The following PAK4 variants were observed in gnomAD, a reference collection of about 807,000 sequenced individuals.
The protein encoded by PAK4 is p21 (RAC1) activated kinase 4.
In PAK4, 49 loss-of-function variants were observed where a neutral mutation model predicts 53.5. That is an observed-to-expected ratio of 0.92 (90% CI 0.73 to 1.16). The LOEUF (loss-of-function observed/expected upper bound fraction) is 1.16, where lower values mean the gene tolerates loss of function less well. Among genes scored for constraint, PAK4 ranks in the 50% most tolerant of loss-of-function variants. The pLI is 0.00. For synonymous variants in PAK4, 376 were observed against 375.6 expected, an observed-to-expected ratio of 1.00 and a Z score of -0.01; for missense variants, 824 against 850.7, an observed-to-expected ratio of 0.97 and a Z score of 0.39.
At chr19:39,155,023 G>A (rs1356230366) in intron 1 of PAK4, among the ~76,000 whole-genome samples, 3 of 152,204 alleles carry the variant, frequency 2.0e-5, no homozygotes, top group East Asian at 1.9e-4. Flanking sequence ...ATCTGCCCTT[G>A]AGGAGTTGGC....
At chr19:39,162,824 GC>G (rs1226813821) in intron 1 of PAK4, among the ~76,000 whole-genome samples, 1 of 152,168 alleles carries the variant, frequency 6.6e-6, no homozygotes, top group Non-Finnish European at 1.5e-5. Context: ...GTGGGTCGAT[GC>G]GTGGGTGGGT....
At chr19:39,171,156 G>T (rs914917137) in intron 2 of PAK4, among the ~76,000 whole-genome samples, 7 of 151,726 alleles carry the variant, frequency 4.6e-5, no homozygotes, top group African/African-American at 1.7e-4. Flanking sequence ...ACTTGTGTTT[G>T]CTGCCCTTGA....
At chr19:39,130,554 C>A (rs1056789716) in intron 1 of PAK4, among the ~76,000 whole-genome samples, 1 of 152,034 alleles carries the variant, frequency 6.6e-6, no homozygotes, top group African/African-American at 2.4e-5. Flanking sequence ...GGAATGACCT[C>A]GGAATGGTCG....
chr19:39,169,749 G>A (rs373324891), exon 2 of PAK4: 3 of 1,599,346 alleles, frequency 1.9e-6, no homozygotes, highest in East Asian at 2.2e-5. Context: ...CCAGCCCGGG[G>A]CCCCCAAGGT....
chr19:39,178,747 A>G lies in PAK4; in HGVS notation c.*168A>G. The G allele has an allele frequency of 1.8e-6, 1 of 564,380 alleles. No homozygotes were observed. Among genetic ancestry groups the G allele is most frequent in the Non-Finnish European group, 3.0e-6 (1 of 329,576 alleles). 35.0% of individuals were successfully genotyped at this position (564,380 alleles called of 1,614,324 possible). The stretch of plus-strand genomic sequence containing the variant: ...ACCCTACTACTGAACTCCAGTTTTG[A>G]TCTCGTGACTTTTAGAAAAACACAG... On this transcript the variant is annotated 3_prime_UTR_variant, in exon 9 of 9. Transcript: ENST00000358301. This position sits in a 1 kb window ranked among gnomAD's most constrained non-coding sequence, Gnocchi z 4.4.
intron 2 of PAK4, among the ~76,000 whole-genome samples, chr19:39,171,090 C>T (rs1328366868): frequency 2.6e-5 from 4 of 152,246 alleles, no homozygotes; most frequent in Non-Finnish European, 1.5e-5. Context: ...GGAGGCAGGG[C>T]ACTTGAATTC....
intron 1 of PAK4, among the ~76,000 whole-genome samples, chr19:39,127,674 C>G (rs2073614361): frequency 6.6e-6 from 1 of 152,128 alleles, no homozygotes; most frequent in East Asian, 1.9e-4. Context: ...ACTCAGTTCC[C>G]TGGTGGGAGC....
Position 39,173,989 on chromosome 19 carries a change from G to A in PAK4, c.1077G>A (p.Arg359=), listed in dbSNP as rs747382740. Reference sequence around the variant, plus strand: ...AGATGGACCTGCGCAAGCAGCAGAGGCGCGAGCTGCTCTTCAACGAGGTGC... The same window carrying A: ...AGATGGACCTGCGCAAGCAGCAGAGACGCGAGCTGCTCTTCAACGAGGTGC... The change falls in exon 4 of 9, where the codon AGG becomes AGA. Residue 359 remains arginine, a synonymous_variant. Transcript: ENST00000358301. The surrounding 1 kb of genome is among the most constrained non-coding windows in gnomAD (Gnocchi z 6.9). 1.2e-6 allele frequency: 2 copies of A among 1,601,364 alleles called. No homozygotes were observed. The highest frequency in any genetic ancestry group is 2.2e-5 in the East Asian group (1 of 44,466).
At chr19:39,153,757 T>C (rs762667780) in intron 1 of PAK4, among the ~76,000 whole-genome samples, 1 of 152,074 alleles carries the variant, frequency 6.6e-6, no homozygotes, top group African/African-American at 2.4e-5. Flanking sequence ...TTTAATTCTC[T>C]AAAAATGTAG....
intron 1 of PAK4, among the ~76,000 whole-genome samples, chr19:39,151,327 C>T (rs2074090558): frequency 6.6e-6 from 1 of 152,192 alleles, no homozygotes; most frequent in South Asian, 2.1e-4. Flanking sequence ...GGGGCCACAC[C>T]TCACATATCA....
intron 1 of PAK4, chr19:39,135,005 T>C (rs945628379): frequency 5.3e-5 from 8 of 152,250 alleles, no homozygotes; most frequent in Non-Finnish European, 1.0e-4. Flanking sequence ...TCAGGGAATA[T>C]ACCCAGGAGT....
rs1276271207 is a variant in PAK4 at position 39,175,249 on chromosome 19, C to T, written c.1233-63C>T. 66 of 1,517,166 alleles carry T rather than the reference C, an allele frequency of 4.4e-5. No homozygotes were observed. Among genetic ancestry groups the T allele is most frequent in the Non-Finnish European group, 5.8e-5 (65 of 1,120,158 alleles). The allele number at this position is 1,517,166 out of a possible 1,614,324, so 94.0% of individuals were successfully genotyped here. On this transcript the variant is annotated intron_variant, in intron 5 of 8. Transcript: ENST00000358301. The surrounding 1 kb of genome is among the most constrained non-coding windows in gnomAD (Gnocchi z 4.7). ...TTCCTCCCACTGCAAGGCAGGGCTG[C>T]GTCCCCCTCGGCACCCCGGGGTGCT...
intron 2 of PAK4, among the ~76,000 whole-genome samples, chr19:39,170,005 A>G (rs1387974770): frequency 6.6e-6 from 1 of 151,178 alleles, no homozygotes; most frequent in South Asian, 2.1e-4. Context: ...CAGCCCCCAC[A>G]CCAGCCTCCA....
At chr19:39,150,687 CAA>C (rs1265495606) in intron 1 of PAK4, among the ~76,000 whole-genome samples, 5 of 151,990 alleles carry the variant, frequency 3.3e-5, no homozygotes, top group African/African-American at 1.2e-4. Flanking sequence ...CTCAGGAGTT[CAA>C]GACCAGCCTG....
At chr19:39,142,434 GT>G (rs1330204426) in intron 1 of PAK4, among the ~76,000 whole-genome samples, 1 of 152,016 alleles carries the variant, frequency 6.6e-6, no homozygotes, top group Non-Finnish European at 1.5e-5. Context: ...TAAAAATTAA[GT>G]TTTTTTTAAA....
At chr19:39,154,318 C>T (rs1433438614) in intron 1 of PAK4, among the ~76,000 whole-genome samples, 2 of 152,120 alleles carry the variant, frequency 1.3e-5, no homozygotes, top group South Asian at 2.1e-4. Context: ...GGAATGTTTT[C>T]GAGAAGAGCA....
intron 1 of PAK4, among the ~76,000 whole-genome samples, chr19:39,158,088 G>A (rs972484581): frequency 6.7e-6 from 1 of 150,054 alleles, no homozygotes; most frequent in East Asian, 2.0e-4. Flanking sequence ...GTGTGTGTGT[G>A]CATGTGTGTG....
At chr19:39,174,891 C>T in intron 4 of PAK4, 40 bp from the exon 6 acceptor site, 1 of 1,611,686 alleles carries the variant, frequency 6.2e-7, no homozygotes, top group Non-Finnish European at 8.5e-7. Flanking sequence ...CACTGGCAGC[C>T]CTCCCGCCTC....
intron 2 of PAK4, among the ~76,000 whole-genome samples, chr19:39,171,760 G>A (rs908556462): frequency 2.6e-5 from 4 of 152,234 alleles, no homozygotes; most frequent in African/African-American, 9.6e-5. Context: ...TCCGGCTGGA[G>A]GACATCTGGC....
Sources: allele counts gnomAD v4.1 joint callset (sites outside exome capture counted in the v4.1 genomes callset), GRCh38; gene constraint gnomAD v4.1.1; non-coding constraint Gnocchi (gnomAD v3.1); transcripts MANE v1.5; gene names NCBI Gene and HGNC (gene_info 2026-07-23, HGNC 2026-07-21).